Variants in GLIPR1 observed in about 807,000 individuals in gnomAD.
GLIPR1 encodes the protein GLI pathogenesis related 1.
Under a neutral mutation model 30.3 loss-of-function variants are expected in GLIPR1, and 38 were observed. That is an observed-to-expected ratio of 1.26 (90% CI 0.97 to 1.65). The LOEUF (loss-of-function observed/expected upper bound fraction) is 1.65, where lower values mean the gene tolerates loss of function less well. Ranked by LOEUF, GLIPR1 falls within the 40% of genes most tolerant of loss-of-function variation. GLIPR1 has a pLI of 0.00. For synonymous variants in GLIPR1, 122 were observed against 110.6 expected, an observed-to-expected ratio of 1.10 and a Z score of -0.65; for missense variants, 285 against 326.5, an observed-to-expected ratio of 0.87 and a Z score of 0.98.
intron 2 of GLIPR1, among the ~76,000 whole-genome samples, chr12:75,489,388 T>G (rs1334103762): frequency 6.6e-6 from 1 of 152,214 alleles, no homozygotes; most frequent in Non-Finnish European, 1.5e-5. Context: ...ACTTGATCTA[T>G]TATATTTGCC....
rs562776895 is a variant in GLIPR1 at position 75,502,019 on chromosome 12, A to C, written c.*3041A>C. 7.7e-5 allele frequency: 122 copies of C among 1,588,040 alleles called. 1 individual carries two copies. In the South Asian group the frequency reaches 7.9e-4, roughly 10 times the overall value. On this transcript the variant is annotated 3_prime_UTR_variant, in exon 6 of 6. Transcript: ENST00000266659. The stretch of plus-strand genomic sequence containing the variant: ...TATCGATCTGTTGAAAACGGTATTT[A>C]CAATTACATCAGAAATAATGTAGAG...
At chr12:75,493,003 G>A (rs765322778) in intron 3 of GLIPR1, 1 of 152,216 alleles carries the variant, frequency 6.6e-6, no homozygotes, top group African/African-American at 2.4e-5. Flanking sequence ...TGGAACAGCT[G>A]TCTAGTGGAG....
intron 3 of GLIPR1, chr12:75,492,007 A>G (rs1005187005): frequency 1.3e-5 from 2 of 152,106 alleles, no homozygotes; most frequent in Non-Finnish European, 2.9e-5. Flanking sequence ...CTTTGACTTA[A>G]TATCTTAAGA....
At chr12:75,481,520 C>A in intron 1 of GLIPR1, 1 of 305,080 alleles carries the variant, frequency 3.3e-6, no homozygotes, top group Non-Finnish European at 6.2e-6. Flanking sequence ...GGTTTTTAAC[C>A]TTTCTGAACT....
chr12:75,492,800 A>C (rs2046330766), intron 3 of GLIPR1: 1 of 152,208 alleles, frequency 6.6e-6, no homozygotes, highest in South Asian at 2.1e-4. Context: ...AGTAATATTT[A>C]TGGGGCAAAC....
chr12:75,482,774 A>T (rs1321587178), intron 2 of GLIPR1, among the ~76,000 whole-genome samples: 2 of 149,244 alleles, frequency 1.3e-5, no homozygotes, highest in African/African-American at 2.5e-5. Context: ...CCTACCTCAC[A>T]TTTGCAGCAT....
Position 75,499,923 on chromosome 12 carries a change from G to C in GLIPR1, c.*945G>C. The C allele has an allele frequency of 1.2e-6, 2 of 1,603,574 alleles. No individual in the cohort carries two copies. Among genetic ancestry groups the C allele is most frequent in the Non-Finnish European group, 1.7e-6 (2 of 1,176,068 alleles). On this transcript the variant is annotated 3_prime_UTR_variant, in exon 6 of 6. Coordinates refer to ENST00000266659, the MANE Select transcript of GLIPR1 (RefSeq NM_006851.3). The stretch of plus-strand genomic sequence containing the variant: ...CTTTCTTAACCTTTTCCTTGATGCT[G>C]GCCACATCAATTTTAGTTTCAGTAG...
chr12:75,490,640 AAAT>A, intron 3 of GLIPR1, 122 bp downstream of exon 3: 1 of 586,684 alleles, frequency 1.7e-6, no homozygotes, highest in Non-Finnish European at 3.0e-6. Context: ...GATAAAGTAT[AAAT>A]AAAAAATTAA....
Position 75,490,510 on chromosome 12 carries a change from C to A in GLIPR1, c.525C>A (p.Tyr175Ter). The change falls in exon 3 of 6, where the codon TAC (tyrosine) becomes TAA (stop). Residue 175 changes from tyrosine (Y) to a stop codon, truncating the protein, a stop_gained. Transcript: ENST00000266659. LOFTEE classifies it high-confidence loss of function. ...LSNGAHFICN[Y>*]GPGGNYPTWP... The stretch of plus-strand genomic sequence containing the variant: ...ATGGAGCACATTTTATATGCAACTA[C>A]GGACCAGGGTAAGTGCCTGAATCAA... 8.1e-7 allele frequency: 1 copy of A among 1,230,830 alleles called. No homozygotes were observed. The highest frequency in any genetic ancestry group is 1.1e-6 in the Non-Finnish European group (1 of 890,952). 76.2% of individuals were successfully genotyped at this position (1,230,830 alleles called of 1,614,324 possible).
At chr12:75,492,443 ACT>A (rs2046328858) in intron 3 of GLIPR1, 1 of 152,102 alleles carries the variant, frequency 6.6e-6, no homozygotes, top group Non-Finnish European at 1.5e-5. Flanking sequence ...GGACAAGTTA[ACT>A]CTGAATCTCA....
At chr12:75,490,980 A>G (rs1012877183) in intron 3 of GLIPR1, 1 of 153,314 alleles carries the variant, frequency 6.5e-6, no homozygotes, top group African/African-American at 2.4e-5. Flanking sequence ...TAAAACAGAT[A>G]TAGTTCCCAC....
At chr12:75,488,066 G>A (rs938219086) in intron 2 of GLIPR1, among the ~76,000 whole-genome samples, 2 of 152,234 alleles carry the variant, frequency 1.3e-5, no homozygotes, top group East Asian at 1.9e-4. Context: ...CACACTCATC[G>A]CCATCTTGGT....
chr12:75,503,833 T>C lies in GLIPR1; in HGVS notation c.*4855T>C. ...TACACATATCCCACCTGAAATACTT[T>C]CAATAAAGTTTCTGACCAAATACAT... On this transcript the variant is annotated 3_prime_UTR_variant, in exon 6 of 6. Transcript: ENST00000266659. 3 of 1,356,730 alleles carry C rather than the reference T, an allele frequency of 2.2e-6. No individual in the cohort carries two copies. The highest frequency in any genetic ancestry group is 1.5e-5 in the African/African-American group (1 of 68,512). The allele number at this position is 1,356,730 out of a possible 1,614,324, so 84.0% of individuals were successfully genotyped here. A position where few individuals can be genotyped will look rare whatever the true frequency, so the allele number is the denominator to read the frequency against.
chr12:75,495,531 A>G (rs2046344873), intron 3 of GLIPR1, 46 bp from the exon 4 acceptor site: 1 of 1,119,142 alleles, frequency 8.9e-7, no homozygotes, highest in Non-Finnish European at 1.4e-6. Flanking sequence ...TTGCAATTTT[A>G]AAAAACCGAA....
chr12:75,486,507 G>C (rs1440168135), intron 2 of GLIPR1, among the ~76,000 whole-genome samples: 1 of 152,178 alleles, frequency 6.6e-6, no homozygotes, highest in Admixed American at 6.5e-5. Context: ...AGGTCACACT[G>C]TAAGTGGCAA....
Position 75,481,978 on chromosome 12 carries a change from A to AT in GLIPR1, c.325dup (p.Ser109PhefsTer11). 1.2e-6 allele frequency: 2 copies of AT among 1,614,042 alleles called. No homozygotes were observed. Among genetic ancestry groups the AT allele is most frequent in the Non-Finnish European group, 1.7e-6 (2 of 1,179,998 alleles). On this transcript the variant is annotated frameshift_variant, in exon 2 of 6. Transcript: ENST00000266659. LOFTEE classifies it high-confidence loss of function. ...GAACATCTGGACTGGGTCTGTGCCC[A>AT]TTTTTTCTGTGTCTTCCGCCATCAC...
chr12:75,488,343 G>A (rs1350587948), intron 2 of GLIPR1, among the ~76,000 whole-genome samples: 1 of 152,112 alleles, frequency 6.6e-6, no homozygotes, highest in Non-Finnish European at 1.5e-5. Context: ...TTTGAGACCA[G>A]CCTGACCAAC....
At chr12:75,498,212 G>GACAGT (rs1320448410) in intron 4 of GLIPR1, 1 of 152,400 alleles carries the variant, frequency 6.6e-6, no homozygotes, top group Non-Finnish European at 1.5e-5. Context: ...GTGAAAGGAG[G>GACAGT]ACAGTAATTA....
intron 4 of GLIPR1, 106 bp from the exon 5 acceptor site, chr12:75,498,588 C>T: frequency 1.2e-6 from 1 of 859,952 alleles, no homozygotes; most frequent in Non-Finnish European, 1.9e-6. Flanking sequence ...GCAATAAAGC[C>T]AAAGCAAGTT....
Sources: allele counts gnomAD v4.1 joint callset (sites outside exome capture counted in the v4.1 genomes callset), GRCh38; gene constraint gnomAD v4.1.1; transcripts MANE v1.5; gene names NCBI Gene and HGNC (gene_info 2026-07-23, HGNC 2026-07-21).